Variants in CNBD1 observed in about 807,000 individuals in gnomAD.
CNBD1 encodes cyclic nucleotide-binding domain-containing protein 1.
Under a neutral mutation model 54.4 loss-of-function variants are expected in CNBD1, and 71 were observed. The observed-to-expected ratio is 1.30, with a 90% confidence interval of 1.08 to 1.59. The LOEUF (loss-of-function observed/expected upper bound fraction) is 1.59, where lower values mean the gene tolerates loss of function less well. CNBD1 is among the 40% of genes most tolerant of loss of function. CNBD1 has a pLI of 0.00. For missense variants in CNBD1, 659 were observed against 518.0 expected (o/e 1.27, Z -2.64); for synonymous variants, 182 against 170.7 (o/e 1.07, Z -0.51).
chr8:86,886,042 T>C lies in CNBD1; in HGVS notation c.89-1500T>C, dbSNP rs115831164. ...AGAATATTTACTTTTTTAAAGCCTC[T>C]CTTTTTTGGTCAGAATTCCTTAAAC... On this transcript the variant is annotated intron_variant, in intron 1 of 10. Coordinates refer to ENST00000518476, the MANE Select transcript of CNBD1 (RefSeq NM_173538.3). 7.8e-3 allele frequency among the ~76,000 whole-genome samples: 1,192 copies of C among 152,296 alleles called. 14 individuals are homozygous for C. Among genetic ancestry groups the C allele is most frequent in the African/African-American group, 0.027 (1,106 of 41,564 alleles).
chr8:87,424,663 G>A (rs1013304379), intron 2 of CNBD1, among the ~76,000 whole-genome samples: 26 of 152,100 alleles, frequency 1.7e-4, no homozygotes, highest in Non-Finnish European at 3.1e-4. Context: ...CTCTCTTCTG[G>A]CTTGTACGGT....
chr8:87,110,074 C>T (rs962059008), intron 4 of CNBD1, among the ~76,000 whole-genome samples: 8 of 152,200 alleles, frequency 5.3e-5, no homozygotes, highest in Non-Finnish European at 1.0e-4. Flanking sequence ...TTTCTTCCCA[C>T]ACACAGTGAA....
rs1052017923 is a variant in CNBD1 at position 87,348,165 on chromosome 8, C to T, written c.1043-3520C>T. Among the ~76,000 whole-genome samples the T allele has an allele frequency of 2.6e-5, 4 of 152,210 alleles. No homozygotes were observed. The East Asian group carries it at 5.8e-4, about 22-fold the overall frequency. On this transcript the variant is annotated intron_variant, in intron 8 of 10. Coordinates refer to ENST00000518476, the MANE Select transcript of CNBD1 (RefSeq NM_173538.3). ...ACCTCTTTAAATGTGCCACAGAATTCAGAAGGCATTGTATAATTGGAAATT... is the reference window on the plus strand; with the variant it reads ...ACCTCTTTAAATGTGCCACAGAATTTAGAAGGCATTGTATAATTGGAAATT...
At chr8:87,226,410 G>T (rs1466360172) in intron 5 of CNBD1, among the ~76,000 whole-genome samples, 1 of 149,806 alleles carries the variant, frequency 6.7e-6, no homozygotes, top group East Asian at 1.9e-4. Context: ...ACACTGCTTT[G>T]AATGCGTCCC....
At chr8:87,195,003 C>T (rs969347114) in intron 4 of CNBD1, among the ~76,000 whole-genome samples, 1 of 152,032 alleles carries the variant, frequency 6.6e-6, no homozygotes, top group Non-Finnish European at 1.5e-5. Flanking sequence ...CTTGCCTCAG[C>T]CTCCCGAGTA....
chr8:87,106,270 T>G (rs999793081), intron 4 of CNBD1, among the ~76,000 whole-genome samples: 1 of 151,914 alleles, frequency 6.6e-6, no homozygotes, highest in Non-Finnish European at 1.5e-5. Context: ...CAGGAGCACA[T>G]TGGCATCATC....
chr8:86,995,465 CT>C lies in CNBD1; in HGVS notation c.431+55712del, dbSNP rs375119316. Among the ~76,000 whole-genome samples the C allele has an allele frequency of 7.8e-4, 119 of 152,270 alleles. 1 individual carries two copies. The highest frequency in any genetic ancestry group is 2.6e-3 in the African/African-American group (109 of 41,544). ...CCCATAGGCCATAGATTCCTGACCC[CT>C]GACATAAACCAAGAGTTCTTGCCTC... On this transcript the variant is annotated intron_variant, in intron 4 of 10. Transcript: ENST00000518476.
chr8:87,127,165 A>G (rs779652564), intron 4 of CNBD1, among the ~76,000 whole-genome samples: 1 of 151,986 alleles, frequency 6.6e-6, no homozygotes, highest in Non-Finnish European at 1.5e-5. Flanking sequence ...TTCCATATGT[A>G]TGTTAGAATT....
At chr8:87,359,268 A>G (rs1810484216) in intron 10 of CNBD1, among the ~76,000 whole-genome samples, 1 of 146,658 alleles carries the variant, frequency 6.8e-6, no homozygotes, top group Non-Finnish European at 1.5e-5. Context: ...GTCTGCATAC[A>G]TCAGACTATT....
At chr8:86,990,245 G>A (rs1451775485) in intron 4 of CNBD1, among the ~76,000 whole-genome samples, 2 of 152,198 alleles carry the variant, frequency 1.3e-5, no homozygotes, top group Admixed American at 1.3e-4. Flanking sequence ...GTCTGTGTTT[G>A]TGGAATATTA....
intron 4 of CNBD1, among the ~76,000 whole-genome samples, chr8:87,031,005 G>GA (rs990015040): frequency 7.1e-6 from 1 of 140,602 alleles, no homozygotes. Context: ...TTGTAATCTG[G>GA]AAAAAAAATT....
chr8:87,425,043 C>T (rs1808020505), intron 2 of CNBD1, among the ~76,000 whole-genome samples: 2 of 152,140 alleles, frequency 1.3e-5, no homozygotes, highest in South Asian at 2.1e-4. Context: ...TTTCTCTAAA[C>T]TTTCCTTCTC....
intron 4 of CNBD1, among the ~76,000 whole-genome samples, chr8:87,120,857 C>T (rs1198757428): frequency 6.6e-6 from 1 of 151,822 alleles, no homozygotes; most frequent in Non-Finnish European, 1.5e-5. Context: ...CTATTAGTCT[C>T]TATTTTTGTT....
intron 8 of CNBD1, among the ~76,000 whole-genome samples, chr8:87,340,873 G>A (rs1052382603): frequency 9.9e-5 from 15 of 151,530 alleles, no homozygotes; most frequent in African/African-American, 3.6e-4. Flanking sequence ...CTCCTATACC[G>A]CCATTTCTTT....
chr8:87,030,601 A>T (rs935371904), intron 4 of CNBD1, among the ~76,000 whole-genome samples: 6 of 152,136 alleles, frequency 3.9e-5, no homozygotes, highest in African/African-American at 1.2e-4. Context: ...AAATTTTTTT[A>T]AATTAAAAAT....
chr8:87,372,839 A>G (rs1262855255), intron 10 of CNBD1, among the ~76,000 whole-genome samples: 1 of 151,746 alleles, frequency 6.6e-6, no homozygotes, highest in African/African-American at 2.4e-5. Flanking sequence ...CTTTTTATAG[A>G]TGGTATAAGC....
intron 4 of CNBD1, among the ~76,000 whole-genome samples, chr8:87,133,795 G>T (rs1193560512): frequency 6.6e-6 from 1 of 152,018 alleles, no homozygotes; most frequent in Non-Finnish European, 1.5e-5. Flanking sequence ...AAACTCATTG[G>T]ACTTCAATTC....
At chr8:87,355,616 G>T (rs1029309223) in intron 10 of CNBD1, among the ~76,000 whole-genome samples, 1 of 152,098 alleles carries the variant, frequency 6.6e-6, no homozygotes, top group Non-Finnish European at 1.5e-5. Flanking sequence ...AAAGAAAATT[G>T]TAGATATGTA....
chr8:87,187,405 A>G (rs1813502963), intron 4 of CNBD1, among the ~76,000 whole-genome samples: 1 of 151,864 alleles, frequency 6.6e-6, no homozygotes. Flanking sequence ...CTAACTTTAT[A>G]TGAGGATAGA....
Sources: gnomAD v4.1 joint callset for allele counts (sites outside exome capture counted in the v4.1 genomes callset) on GRCh38, gnomAD v4.1.1 for gene constraint, MANE v1.5 for transcripts, NCBI Gene and HGNC (gene_info 2026-07-23, HGNC 2026-07-21) for gene names.